DLEU7: variants seen among roughly 807,000 people sequenced by gnomAD.
DLEU7 encodes deleted in lymphocytic leukemia 7.
Under a neutral mutation model 16.0 loss-of-function variants are expected in DLEU7, and 17 were observed. The ratio of observed to expected loss-of-function variants is 1.06; its 90% confidence interval spans 0.73 to 1.59. The LOEUF (loss-of-function observed/expected upper bound fraction) is 1.59, where lower values mean the gene tolerates loss of function less well. Among genes scored for constraint, DLEU7 ranks in the 40% most tolerant of loss-of-function variants. The probability of loss-of-function intolerance (pLI) is 0.00; values close to 1 mark genes in which losing one functional copy is unlikely to be tolerated. For missense variants in DLEU7, 308 were observed against 314.9 expected, an observed-to-expected ratio of 0.98 and a Z score of 0.17; for synonymous variants, 113 against 139.8, an observed-to-expected ratio of 0.81 and a Z score of 1.35.
chr13:50,750,226 T>C (rs546856410), intron 1 of DLEU7, among the ~76,000 whole-genome samples: 57 of 152,322 alleles, frequency 3.7e-4, no homozygotes, highest in African/African-American at 1.4e-3. Context: ...GTTTGCTTTG[T>C]TGAAGATCAA....
At chr13:50,812,069 CAA>C (rs35178818) in intron 1 of DLEU7, among the ~76,000 whole-genome samples, 4,108 of 104,452 alleles carry the variant, frequency 0.039, 159 homozygotes, top group African/African-American at 0.14. Context: ...GATTCCATCT[CAA>C]AAAAAAAAAA....
chr13:50,799,437 C>G (rs1876189736), intron 1 of DLEU7, among the ~76,000 whole-genome samples: 1 of 152,222 alleles, frequency 6.6e-6, no homozygotes, highest in African/African-American at 2.4e-5. Context: ...CACCTTCACT[C>G]CAGCCGGTTG....
intron 1 of DLEU7, among the ~76,000 whole-genome samples, chr13:50,762,901 G>A (rs1379772553): frequency 5.3e-5 from 8 of 151,820 alleles, no homozygotes; most frequent in Admixed American, 5.2e-4. Context: ...TGCAGGGAGA[G>A]AAAGAATCAC....
intron 1 of DLEU7, among the ~76,000 whole-genome samples, chr13:50,796,126 T>C (rs185895535): frequency 2.4e-4 from 37 of 152,266 alleles, no homozygotes; most frequent in African/African-American, 7.9e-4. Context: ...AGTGGATGCC[T>C]GAAACCCTTA....
chr13:50,763,974 T>C (rs1233796504), intron 1 of DLEU7, among the ~76,000 whole-genome samples: 1 of 152,176 alleles, frequency 6.6e-6, no homozygotes, highest in Non-Finnish European at 1.5e-5. Flanking sequence ...TGAAACAAAG[T>C]AAGAGACAAT....
At chr13:50,801,916 A>G (rs1158281433) in intron 1 of DLEU7, among the ~76,000 whole-genome samples, 1 of 152,074 alleles carries the variant, frequency 6.6e-6, no homozygotes, top group Non-Finnish European at 1.5e-5. Flanking sequence ...TTCAATTGGT[A>G]TAATAATCTT....
chr13:50,718,788 A>G (rs1190501193), intron 1 of DLEU7, among the ~76,000 whole-genome samples: 2 of 152,304 alleles, frequency 1.3e-5, no homozygotes, highest in East Asian at 1.9e-4. Flanking sequence ...GAAACTTGAT[A>G]ATTTGGTTGG....
chr13:50,730,627 T>C (rs1305518591), intron 1 of DLEU7, among the ~76,000 whole-genome samples: 1 of 152,056 alleles, frequency 6.6e-6, no homozygotes, highest in African/African-American at 2.4e-5. Flanking sequence ...AATCTCCTGG[T>C]TTTTAAATCA....
intron 1 of DLEU7, among the ~76,000 whole-genome samples, chr13:50,738,962 TACACACACACACACACACACAC>T (rs55722607): frequency 0.025 from 3,557 of 144,746 alleles, 146 homozygotes; most frequent in African/African-American, 0.084. Context: ...TAAAAAATAA[TACACACACACACACACACACAC>T]ACACACACAC....
At chr13:50,802,915 T>C (rs931010133) in intron 1 of DLEU7, among the ~76,000 whole-genome samples, 3 of 152,208 alleles carry the variant, frequency 2.0e-5, no homozygotes, top group African/African-American at 7.2e-5. Context: ...AGAGCTTAAA[T>C]AGGCTTCTAC....
chr13:50,836,473 G>C (rs557095905), intron 1 of DLEU7, among the ~76,000 whole-genome samples: 1 of 152,200 alleles, frequency 6.6e-6, no homozygotes, highest in Admixed American at 6.5e-5. Context: ...AGGAGATCGA[G>C]ACCATCCTGG....
At chr13:50,781,347 A>T (rs541242871) in intron 1 of DLEU7, among the ~76,000 whole-genome samples, 21 of 152,370 alleles carry the variant, frequency 1.4e-4, no homozygotes, top group African/African-American at 5.0e-4. Context: ...AAATGCTGTC[A>T]TCACATGTCA....
chr13:50,752,709 C>G (rs1380152109), intron 1 of DLEU7, among the ~76,000 whole-genome samples: 2 of 152,010 alleles, frequency 1.3e-5, no homozygotes, highest in Non-Finnish European at 2.9e-5. Context: ...CGTGGTCTCG[C>G]TGGCTTCAGG....
At chr13:50,824,441 C>A (rs1297995135) in intron 1 of DLEU7, among the ~76,000 whole-genome samples, 1 of 152,142 alleles carries the variant, frequency 6.6e-6, no homozygotes, top group African/African-American at 2.4e-5. Flanking sequence ...CTACTGAATT[C>A]CTAAAACTCT....
intron 1 of DLEU7, among the ~76,000 whole-genome samples, chr13:50,831,244 T>C (rs1245449835): frequency 6.6e-6 from 1 of 152,078 alleles, no homozygotes; most frequent in Non-Finnish European, 1.5e-5. Context: ...TTTGCAATTG[T>C]TCAGTAGGAA....
intron 1 of DLEU7, among the ~76,000 whole-genome samples, chr13:50,796,346 C>T (rs994725952): frequency 2.0e-5 from 3 of 152,104 alleles, no homozygotes; most frequent in Admixed American, 1.3e-4. Flanking sequence ...TGTGATCCCA[C>T]AACAGTCAAT....
chr13:50,800,350 A>T (rs1487295837), intron 1 of DLEU7, among the ~76,000 whole-genome samples: 4 of 152,170 alleles, frequency 2.6e-5, no homozygotes, highest in Non-Finnish European at 5.9e-5. Flanking sequence ...AAAATGTAAA[A>T]CAGAATACCA....
chr13:50,770,637 G>A (rs1031473916), intron 1 of DLEU7, among the ~76,000 whole-genome samples: 6 of 152,154 alleles, frequency 3.9e-5, no homozygotes, highest in Non-Finnish European at 8.8e-5. Context: ...TGATCGTGGT[G>A]GATAAGCTTT....
In DLEU7 at chr13:50,835,656, G is replaced by A. The variant is rs774949796; in HGVS notation, c.459+7532C>T. Among the ~76,000 whole-genome samples, 15 of 152,268 alleles carry A rather than the reference G, an allele frequency of 9.9e-5. No individual in the cohort carries two copies. The South Asian group carries it at 1.0e-3, about 11-fold the overall frequency. On this transcript the variant is annotated intron_variant, in intron 1 of 1. Coordinates refer to ENST00000504404, the MANE Select transcript of DLEU7 (RefSeq NM_001306135.2). ...ACCAACCCTGAGCTAATCAGAAACC[G>A]CCCAGCTGGAGGTTTCCTTTCCTCA...
Sources: allele counts gnomAD v4.1 joint callset (sites outside exome capture counted in the v4.1 genomes callset), GRCh38; gene constraint gnomAD v4.1.1; transcripts MANE v1.5; gene names NCBI Gene and HGNC (gene_info 2026-07-23, HGNC 2026-07-21).